Variants in CFAP299 observed in about 807,000 individuals in gnomAD.
The protein encoded by CFAP299 is cilia- and flagella-associated protein 299.
Under a neutral mutation model 27.0 loss-of-function variants are expected in CFAP299, and 21 were observed. That is an observed-to-expected ratio of 0.78 (90% confidence interval 0.55 to 1.12). The LOEUF (loss-of-function observed/expected upper bound fraction) is 1.12. Ranked by LOEUF, CFAP299 falls within the 50% of genes most tolerant of loss-of-function variation. CFAP299 has a pLI of 0.00. For missense variants in CFAP299, 310 were observed against 276.6 expected (o/e 1.12, Z -0.86); for synonymous variants, 104 against 98.1 (o/e 1.06, Z -0.36).
At chr4:80,426,540 T>A (rs770123443) in intron 2 of CFAP299, among the ~76,000 whole-genome samples, 9 of 152,222 alleles carry the variant, frequency 5.9e-5, no homozygotes, top group South Asian at 4.1e-4. Context: ...TTTCCAAACT[T>A]GCCTGTTCAT....
At chr4:80,763,806 T>A (rs1725682572) in intron 3 of CFAP299, among the ~76,000 whole-genome samples, 1 of 151,988 alleles carries the variant, frequency 6.6e-6, no homozygotes, top group Admixed American at 6.6e-5. Flanking sequence ...ACAACACGCA[T>A]CTACAACCAT....
At chr4:80,531,052 T>C (rs2110187150) in intron 2 of CFAP299, among the ~76,000 whole-genome samples, 1 of 152,262 alleles carries the variant, frequency 6.6e-6, no homozygotes, top group East Asian at 1.9e-4. Context: ...ATTTTAAAAG[T>C]GTGGCTATGG....
intron 3 of CFAP299, among the ~76,000 whole-genome samples, chr4:80,753,079 C>T (rs1725027672): frequency 6.6e-6 from 1 of 151,652 alleles, no homozygotes; most frequent in Non-Finnish European, 1.5e-5. Flanking sequence ...ATTCCATTTT[C>T]TGTTTTCTTT....
At chr4:80,928,696 ATT>A (rs1252862555) in intron 4 of CFAP299, among the ~76,000 whole-genome samples, 1 of 152,108 alleles carries the variant, frequency 6.6e-6, no homozygotes, top group Non-Finnish European at 1.5e-5. Flanking sequence ...TAATCTTATA[ATT>A]CCAGTACTAA....
chr4:80,511,402 A>G (rs1229764368), intron 2 of CFAP299, among the ~76,000 whole-genome samples: 1 of 152,150 alleles, frequency 6.6e-6, no homozygotes, highest in Non-Finnish European at 1.5e-5. Flanking sequence ...ATGATTTATA[A>G]ATGAAATTTA....
chr4:80,689,608 T>C (rs867021405), intron 3 of CFAP299, among the ~76,000 whole-genome samples: 1 of 150,626 alleles, frequency 6.6e-6, no homozygotes, highest in South Asian at 2.1e-4. Flanking sequence ...GTAAAGATCA[T>C]TGAGACTAGG....
At chr4:80,929,975 G>C (rs1390130146) in intron 4 of CFAP299, among the ~76,000 whole-genome samples, 1 of 152,068 alleles carries the variant, frequency 6.6e-6, no homozygotes, top group Non-Finnish European at 1.5e-5. Context: ...ATGTCTTTCT[G>C]TATGCTAATG....
chr4:80,348,618 T>A (rs1722864869), intron 1 of CFAP299, among the ~76,000 whole-genome samples: 1 of 151,992 alleles, frequency 6.6e-6, no homozygotes, highest in Non-Finnish European at 1.5e-5. Flanking sequence ...GAGTGAGAAC[T>A]TGGCCATCTG....
intron 2 of CFAP299, among the ~76,000 whole-genome samples, chr4:80,383,080 A>G (rs1349881544): frequency 6.6e-6 from 1 of 152,208 alleles, no homozygotes; most frequent in Non-Finnish European, 1.5e-5. Flanking sequence ...TAATGCAGCA[A>G]TAGAAAACCA....
chr4:80,593,784 G>T (rs148239623), intron 3 of CFAP299, among the ~76,000 whole-genome samples: 20 of 152,150 alleles, frequency 1.3e-4, no homozygotes, highest in African/African-American at 2.2e-4. Flanking sequence ...TGAAAGTTTA[G>T]GTCATCAATT....
intron 2 of CFAP299, among the ~76,000 whole-genome samples, chr4:80,434,944 T>C (rs1273145004): frequency 2.0e-5 from 3 of 152,222 alleles, no homozygotes; most frequent in African/African-American, 7.2e-5. Context: ...CTCAAAGTGT[T>C]GACTGCTTTT....
At chr4:80,368,408 C>A (rs1185830959) in intron 2 of CFAP299, among the ~76,000 whole-genome samples, 1 of 152,104 alleles carries the variant, frequency 6.6e-6, no homozygotes, top group African/African-American at 2.4e-5. Flanking sequence ...TTATGCTATT[C>A]AATCTAGTTA....
intron 2 of CFAP299, among the ~76,000 whole-genome samples, chr4:80,487,603 A>G (rs1030486073): frequency 6.6e-6 from 1 of 152,206 alleles, no homozygotes. Flanking sequence ...AACATCAGCA[A>G]GGATTATTCA....
At chr4:80,768,452 T>A (rs1726024366) in intron 3 of CFAP299, among the ~76,000 whole-genome samples, 1 of 152,328 alleles carries the variant, frequency 6.6e-6, no homozygotes, top group Non-Finnish European at 1.5e-5. Flanking sequence ...CATTTTATTT[T>A]TAACTAAACT....
intron 2 of CFAP299, chr4:80,420,229 T>C (rs185136932): frequency 1.7e-4 from 79 of 456,144 alleles, no homozygotes; most frequent in Non-Finnish European, 3.1e-4. Context: ...AGACTCTCAG[T>C]TAATCTTTCC....
intron 3 of CFAP299, among the ~76,000 whole-genome samples, chr4:80,807,736 C>G (rs1020202611): frequency 4.6e-5 from 7 of 151,954 alleles, no homozygotes; most frequent in African/African-American, 1.2e-4. Flanking sequence ...AAAATCTGAT[C>G]GTGGTTTACT....
chr4:80,486,871 C>A (rs1278282329), intron 2 of CFAP299, among the ~76,000 whole-genome samples: 1 of 152,176 alleles, frequency 6.6e-6, no homozygotes, highest in African/African-American at 2.4e-5. Flanking sequence ...TGGCTGGGGC[C>A]CTCATTAGTT....
chr4:80,798,145 A>G (rs1039510867), intron 3 of CFAP299, among the ~76,000 whole-genome samples: 2 of 152,024 alleles, frequency 1.3e-5, no homozygotes, highest in Admixed American at 6.6e-5. Context: ...ACACCTCCTC[A>G]TGGGGCCTCT....
intron 3 of CFAP299, among the ~76,000 whole-genome samples, chr4:80,746,560 T>C (rs576555477): frequency 9.2e-5 from 14 of 152,198 alleles, no homozygotes; most frequent in African/African-American, 3.4e-4. Context: ...TCTCCTAGTT[T>C]GTTCATCAGA....
Sources: gnomAD v4.1 joint callset for allele counts (sites outside exome capture counted in the v4.1 genomes callset) on GRCh38, gnomAD v4.1.1 for gene constraint, MANE v1.5 for transcripts, NCBI Gene and HGNC (gene_info 2026-07-23, HGNC 2026-07-21) for gene names.